PKN2: variants seen among roughly 807,000 people sequenced by gnomAD.
PKN2 encodes the protein protein kinase N2, also known as serine/threonine-protein kinase N2.
Under a neutral mutation model 119.1 loss-of-function variants are expected in PKN2, and 38 were observed. The ratio of observed to expected loss-of-function variants is 0.32; its 90% CI spans 0.25 to 0.42. The LOEUF (loss-of-function observed/expected upper bound fraction) is 0.42, where lower values mean the gene tolerates loss of function less well. Ranked by LOEUF, PKN2 falls within the 10% of genes least tolerant of loss-of-function variation. The pLI, the probability that PKN2 is intolerant of heterozygous loss-of-function variation, is 1.00. For missense variants in PKN2, 850 were observed against 1,165.1 expected, an observed-to-expected ratio of 0.73 and a Z score of 3.94; for synonymous variants, 390 against 384.9, an observed-to-expected ratio of 1.01 and a Z score of -0.15.
chr1:88,755,948 C>T (rs1216720971), intron 2 of PKN2, among the ~76,000 whole-genome samples: 3 of 149,066 alleles, frequency 2.0e-5, no homozygotes, highest in Non-Finnish European at 4.4e-5. Context: ...GAGTCTCGCT[C>T]TGTCACCAGG....
At chr1:88,776,552 C>T (rs1050932381) in intron 6 of PKN2, among the ~76,000 whole-genome samples, 3 of 151,740 alleles carry the variant, frequency 2.0e-5, no homozygotes, top group Non-Finnish European at 4.4e-5. Context: ...CCAGCCTGGC[C>T]AGCATGGTGA....
intron 1 of PKN2, among the ~76,000 whole-genome samples, chr1:88,729,087 T>G (rs1365198860): frequency 6.6e-6 from 1 of 152,018 alleles, no homozygotes; most frequent in Non-Finnish European, 1.5e-5. Flanking sequence ...AGAGATGGGG[T>G]TTCTCCATGT....
At chr1:88,713,875 T>A (rs943081215) in intron 1 of PKN2, among the ~76,000 whole-genome samples, 2 of 152,208 alleles carry the variant, frequency 1.3e-5, no homozygotes, top group African/African-American at 2.4e-5. Flanking sequence ...CTGAATGGTA[T>A]TGCCTAGGTT....
At chr1:88,828,725 A>G (rs1041301080) in intron 19 of PKN2, 102 bp downstream of exon 19, 3 of 937,392 alleles carry the variant, frequency 3.2e-6, no homozygotes, top group Admixed American at 5.4e-5. Context: ...TATGAGTGGA[A>G]TTTAAGTTTT....
chr1:88,773,536 A>G (rs1669975483), intron 6 of PKN2, among the ~76,000 whole-genome samples: 1 of 152,194 alleles, frequency 6.6e-6, no homozygotes, highest in African/African-American at 2.4e-5. Flanking sequence ...GCCTCAAGTG[A>G]TCTGCCTGCC....
intron 6 of PKN2, among the ~76,000 whole-genome samples, chr1:88,773,620 T>C (rs1040825200): frequency 6.6e-6 from 1 of 152,088 alleles, no homozygotes; most frequent in Non-Finnish European, 1.5e-5. Context: ...TATTTAATAG[T>C]TTAAGACAGT....
intron 2 of PKN2, 90 bp downstream of exon 2, chr1:88,741,378 GT>G: frequency 1.2e-6 from 1 of 826,216 alleles, no homozygotes; most frequent in Non-Finnish European, 1.7e-6. Context: ...GACATGAATA[GT>G]TTTTAGCTTT....
At chr1:88,745,203 C>T (rs546526209) in intron 2 of PKN2, among the ~76,000 whole-genome samples, 1 of 152,296 alleles carries the variant, frequency 6.6e-6, no homozygotes. Context: ...AGATCAGGAA[C>T]AAGATCAGGA....
At chr1:88,807,211 A>G in intron 12 of PKN2, 102 bp from the exon 13 acceptor site, 1 of 941,286 alleles carries the variant, frequency 1.1e-6, no homozygotes, top group Non-Finnish European at 1.5e-6. Flanking sequence ...TCACTCCAAC[A>G]TTTATATTGA....
chr1:88,784,862 T>C, intron 7 of PKN2, 38 bp downstream of exon 7: 1 of 1,302,260 alleles, frequency 7.7e-7, no homozygotes, highest in Admixed American at 2.0e-5. Flanking sequence ...TGTAACAAAC[T>C]AAAGTGCTTA....
At chr1:88,797,955 A>G (rs949593873) in intron 8 of PKN2, among the ~76,000 whole-genome samples, 2 of 152,168 alleles carry the variant, frequency 1.3e-5, no homozygotes, top group African/African-American at 4.8e-5. Context: ...TCTCTATTCT[A>G]TAAATAAATG....
chr1:88,740,960 C>T (rs750551349), intron 1 of PKN2, 28 bp from the exon 2 acceptor site: 4 of 1,498,080 alleles, frequency 2.7e-6, no homozygotes, highest in Non-Finnish European at 3.6e-6. Context: ...CCTAAACTCC[C>T]ACATTTGTAT....
intron 15 of PKN2, among the ~76,000 whole-genome samples, chr1:88,812,466 A>T (rs951984794): frequency 6.6e-5 from 10 of 152,124 alleles, no homozygotes; most frequent in African/African-American, 2.4e-4. Flanking sequence ...AGGGGCTGGT[A>T]TGGTGGTTCA....
At chr1:88,709,662 A>G (rs72722796) in intron 1 of PKN2, among the ~76,000 whole-genome samples, 3,925 of 152,342 alleles carry the variant, frequency 0.026, 71 homozygotes, top group African/African-American at 0.032. Context: ...ATACAGGTTA[A>G]GAAAATTAGT....
At chr1:88,696,763 G>T (rs1312127109) in intron 1 of PKN2, among the ~76,000 whole-genome samples, 1 of 151,986 alleles carries the variant, frequency 6.6e-6, no homozygotes, top group Non-Finnish European at 1.5e-5. Context: ...GAGAATTCTA[G>T]GGATTCTCCT....
intron 1 of PKN2, among the ~76,000 whole-genome samples, chr1:88,725,782 G>A (rs1176031881): frequency 6.6e-6 from 1 of 152,090 alleles, no homozygotes; most frequent in African/African-American, 2.4e-5. Flanking sequence ...TGCTATTGGT[G>A]TCCTACGAAC....
In PKN2 at chr1:88,684,484, T is replaced by G. The variant is rs1665985920; in HGVS notation, c.-97T>G. On this transcript the variant is annotated 5_prime_UTR_variant, in exon 1 of 22. Transcript: ENST00000370521. ...CCCTAGTTGTTTTTTTTTTTTTCTT[T>G]CTCTCCCCTCTCCTCACCCCCACCC... The G allele has an allele frequency of 1.0e-6, 1 of 990,110 alleles. No homozygotes were observed. The allele number at this position is 990,110 out of a possible 1,614,324, so 61.3% of individuals were successfully genotyped here. A position where few individuals can be genotyped will look rare whatever the true frequency, so the allele number is the denominator to read the frequency against.
At chr1:88,764,989 A>G (rs77372283) in intron 3 of PKN2, among the ~76,000 whole-genome samples, 6,049 of 152,094 alleles carry the variant, frequency 0.04, 280 homozygotes, top group African/African-American at 0.1. Context: ...CAGTGGCGCA[A>G]TTGGCTCACT....
chr1:88,790,849 GTT>G (rs1244714911), intron 8 of PKN2, among the ~76,000 whole-genome samples: 2 of 151,854 alleles, frequency 1.3e-5, no homozygotes, highest in South Asian at 4.2e-4. Context: ...CTGTCTTTTT[GTT>G]CTACTTTCTA....
Sources: gnomAD v4.1 joint callset for allele counts (sites outside exome capture counted in the v4.1 genomes callset) on GRCh38, gnomAD v4.1.1 for gene constraint, MANE v1.5 for transcripts, NCBI Gene and HGNC (gene_info 2026-07-23, HGNC 2026-07-21) for gene names.